RAF1: variants seen among roughly 807,000 people sequenced by gnomAD.
RAF1 encodes the protein Raf-1 proto-oncogene, serine/threonine kinase.
RAF1 carries 27 observed loss-of-function variants against 81.1 expected under a neutral mutation model. That is an observed-to-expected ratio of 0.33 (90% CI 0.25 to 0.46). The LOEUF is 0.46. Among genes scored for constraint, RAF1 ranks in the 20% least tolerant of loss-of-function variants. The pLI is 1.00. For missense variants in RAF1, 598 were observed against 826.0 expected (o/e 0.72, Z 3.38); for synonymous variants, 298 against 294.0 (o/e 1.01, Z -0.14).
intron 6 of RAF1, 46 bp from the exon 7 acceptor site, chr3:12,604,335 A>C (rs2058960585): frequency 1.3e-6 from 2 of 1,589,760 alleles, no homozygotes; most frequent in African/African-American, 2.7e-5. Context: ...AGGCTTTCAT[A>C]CTGGTGAAGT....
intron 1 of RAF1, among the ~76,000 whole-genome samples, chr3:12,624,125 A>T (rs2059630200): frequency 6.6e-6 from 1 of 152,026 alleles, no homozygotes; most frequent in Admixed American, 6.6e-5. Context: ...AAGTGTTGGG[A>T]TTACAGGTGT....
At chr3:12,653,926 G>A (rs888443761) in intron 1 of RAF1, among the ~76,000 whole-genome samples, 1 of 151,620 alleles carries the variant, frequency 6.6e-6, no homozygotes, top group Non-Finnish European at 1.5e-5. Context: ...TTATACAGTA[G>A]ATGCAGGTCA....
At chr3:12,605,008 T>C (rs561622763) in intron 6 of RAF1, among the ~76,000 whole-genome samples, 6 of 152,324 alleles carry the variant, frequency 3.9e-5, no homozygotes, top group Admixed American at 1.3e-4. Flanking sequence ...GAAATTGTTC[T>C]ATTGTCTTGA....
chr3:12,657,882 CAAAACAAAAAA>C (rs1233580563), intron 1 of RAF1, among the ~76,000 whole-genome samples: 12 of 25,368 alleles, frequency 4.7e-4, no homozygotes, highest in African/African-American at 2.3e-3. Context: ...CAAAACAAAA[CAAAACAAAAAA>C]AAACCCTATC....
intron 11 of RAF1, among the ~76,000 whole-genome samples, chr3:12,594,494 C>T (rs2058624404): frequency 6.6e-6 from 1 of 152,118 alleles, no homozygotes; most frequent in Admixed American, 6.5e-5. Context: ...TGTCACTGAA[C>T]CCACCCTTTG....
chr3:12,594,433 G>A (rs1416943218), intron 11 of RAF1, among the ~76,000 whole-genome samples: 1 of 152,130 alleles, frequency 6.6e-6, no homozygotes, highest in East Asian at 1.9e-4. Flanking sequence ...CATGGACCTC[G>A]TTTTGTAGTC....
chr3:12,585,401 CAG>C, intron 15 of RAF1, 148 bp from the exon 15 acceptor site: 1 of 1,533,330 alleles, frequency 6.5e-7, no homozygotes, highest in Non-Finnish European at 8.7e-7. Flanking sequence ...GACTCCAACT[CAG>C]GCACTGGTTA....
chr3:12,636,744 C>T (rs369606675), intron 1 of RAF1, among the ~76,000 whole-genome samples: 1 of 150,932 alleles, frequency 6.6e-6, no homozygotes, highest in South Asian at 2.1e-4. Flanking sequence ...GAGGTGGAGG[C>T]TGCTGTGAGC....
intron 1 of RAF1, among the ~76,000 whole-genome samples, chr3:12,644,702 T>A (rs5746175): frequency 1.3e-5 from 2 of 152,194 alleles, no homozygotes; most frequent in South Asian, 4.1e-4. Flanking sequence ...GCATGGACAT[T>A]TTTAAGTTTT....
At chr3:12,629,737 T>C (rs2059808951) in intron 1 of RAF1, among the ~76,000 whole-genome samples, 1 of 152,202 alleles carries the variant, frequency 6.6e-6, no homozygotes, top group African/African-American at 2.4e-5. Flanking sequence ...CTTCCTGGTA[T>C]CTGGCTCTTT....
chr3:12,640,206 C>A (rs1421469994), intron 1 of RAF1, among the ~76,000 whole-genome samples: 5 of 152,100 alleles, frequency 3.3e-5, no homozygotes, highest in Admixed American at 2.6e-4. Flanking sequence ...ACATCTTATA[C>A]AAAAATTAAT....
chr3:12,606,360 G>A (rs2125407523), intron 5 of RAF1, 61 bp from the exon 6 acceptor site: 1 of 1,289,810 alleles, frequency 7.8e-7, no homozygotes, highest in Non-Finnish European at 1.1e-6. Context: ...GAGACAATCA[G>A]CATGCCTTGC....
intron 1 of RAF1, among the ~76,000 whole-genome samples, chr3:12,623,086 T>C (rs1200756763): frequency 1.3e-5 from 2 of 152,198 alleles, no homozygotes; most frequent in Admixed American, 6.5e-5. Context: ...TATATAGATA[T>C]ATATTTTCAA....
At position 12,604,326 on chromosome 3, in the gene RAF1, G is replaced by A. The variant is rs191998453; in HGVS notation, c.681-37C>T. On this transcript the variant is annotated intron_variant, in intron 6 of 17. Coordinates refer to ENST00000442415, the MANE Select transcript of RAF1 (RefSeq NM_001354689.3). ...AAGAAAATTCCATGATTGGCACTTA[G>A]GCTTTCATACTGGTGAAGTCTTTCA... is the stretch of plus-strand genomic sequence containing the variant. 5,559 of 1,602,452 alleles carry A rather than the reference G, an allele frequency of 3.5e-3. 10 individuals carry two copies. The highest frequency in any genetic ancestry group is 4.5e-3 in the Non-Finnish European group (5,287 of 1,173,624).
chr3:12,652,246 G>A (rs1009142385), intron 1 of RAF1, among the ~76,000 whole-genome samples: 1 of 151,730 alleles, frequency 6.6e-6, no homozygotes, highest in South Asian at 2.1e-4. Flanking sequence ...AAATAGGCCA[G>A]GCGTAGTGAC....
chr3:12,661,514 C>A (rs144816623), intron 1 of RAF1, among the ~76,000 whole-genome samples: 2,505 of 152,066 alleles, frequency 0.016, 67 homozygotes, highest in African/African-American at 0.057. Context: ...CGAGACCAGC[C>A]TGGCCAACAC....
chr3:12,589,793 G>GGT (rs569017049), intron 13 of RAF1: 13 of 138,616 alleles, frequency 9.4e-5, no homozygotes, highest in African/African-American at 3.2e-4. Flanking sequence ...GTTTTTTTGG[G>GGT]TTTTTTTTTT....
chr3:12,605,513 A>G (rs919828429), intron 6 of RAF1, among the ~76,000 whole-genome samples: 2 of 152,128 alleles, frequency 1.3e-5, no homozygotes, highest in Non-Finnish European at 2.9e-5. Flanking sequence ...CCTGACCTCA[A>G]GTGGTCCATC....
chr3:12,585,122 C>T lies in RAF1; in HGVS notation c.1728G>A (p.Gln576=), dbSNP rs2125321513. The T allele has an allele frequency of 6.2e-7, 1 of 1,614,180 alleles. No homozygotes were observed. Among genetic ancestry groups the T allele is most frequent in the Non-Finnish European group, 8.5e-7 (1 of 1,180,030 alleles). The stretch of plus-strand genomic sequence containing the variant: ...TCCTTTCGCACCAGCACAGACTTAC[C>T]TGATCTCGGTTGTTGATGTGAGAAT... Residue 576 remains glutamine, a splice_region_variant and synonymous_variant, in exon 16 of 18, where the codon CAG becomes CAA. Coordinates refer to ENST00000442415, the MANE Select transcript of RAF1 (RefSeq NM_001354689.3).
Sources: allele counts gnomAD v4.1 joint callset (sites outside exome capture counted in the v4.1 genomes callset), GRCh38; gene constraint gnomAD v4.1.1; transcripts MANE v1.5; gene names NCBI Gene and HGNC (gene_info 2026-07-23, HGNC 2026-07-21).